Variants in CDH12 observed in about 807,000 individuals in gnomAD.
CDH12 encodes the protein cadherin-12.
Under a neutral mutation model 74.1 loss-of-function variants are expected in CDH12, and 41 were observed. The observed-to-expected ratio is 0.55, with a 90% CI of 0.43 to 0.72. The LOEUF (loss-of-function observed/expected upper bound fraction) is 0.72. Among genes scored for constraint, CDH12 ranks in the 30% least tolerant of loss-of-function variants. The pLI is 0.00. For missense variants in CDH12, 945 were observed against 977.2 expected (o/e 0.97, Z 0.44); for synonymous variants, 399 against 355.0 (o/e 1.12, Z -1.39).
At chr5:21,885,743 C>G (rs1159908887) in intron 6 of CDH12, among the ~76,000 whole-genome samples, 1 of 151,896 alleles carries the variant, frequency 6.6e-6, no homozygotes, top group East Asian at 1.9e-4. Context: ...TTGTTTGCAC[C>G]CTATTTGTCT....
intron 3 of CDH12, among the ~76,000 whole-genome samples, chr5:22,385,415 C>T (rs1477042190): frequency 6.6e-6 from 1 of 152,170 alleles, no homozygotes; most frequent in Non-Finnish European, 1.5e-5. Context: ...TTTTTGACCT[C>T]CCTTTTCTTA....
intron 1 of CDH12, among the ~76,000 whole-genome samples, chr5:22,770,379 T>C (rs1010032206): frequency 2.0e-5 from 3 of 152,144 alleles, no homozygotes; most frequent in African/African-American, 7.2e-5. Context: ...CAGCAACTCC[T>C]GTACATTGCC....
At position 22,130,712 on chromosome 5, in the gene CDH12, T is replaced by C. The variant is rs533552262; in HGVS notation, c.-186-51850A>G. Among the ~76,000 whole-genome samples, 756 of 152,020 alleles carry C rather than the reference T, an allele frequency of 5.0e-3. 5 individuals are homozygous for C. Among genetic ancestry groups the C allele is most frequent in the African/African-American group, 0.017 (696 of 41,496 alleles). ...TATAAGAAGTTTGAGTTAGTGTATA[T>C]GATTTTTAGAAAATCAATTTATCAT... is the stretch of plus-strand genomic sequence containing the variant. On this transcript the variant is annotated intron_variant, in intron 4 of 14. Transcript: ENST00000382254.
At chr5:22,783,910 TC>T (rs1561028241) in intron 1 of CDH12, among the ~76,000 whole-genome samples, 2 of 152,182 alleles carry the variant, frequency 1.3e-5, no homozygotes. Context: ...CTGCTTTTTT[TC>T]CCATCAGAAC....
chr5:22,774,993 C>T (rs1747017556), intron 1 of CDH12, among the ~76,000 whole-genome samples: 1 of 151,552 alleles, frequency 6.6e-6, no homozygotes, highest in Non-Finnish European at 1.5e-5. Flanking sequence ...ATAAAAGTCA[C>T]AATTATAAAC....
chr5:22,076,603 C>A (rs1742329709), intron 5 of CDH12, among the ~76,000 whole-genome samples: 1 of 152,068 alleles, frequency 6.6e-6, no homozygotes, highest in African/African-American at 2.4e-5. Flanking sequence ...AAATTCCATT[C>A]TTACATTAAA....
At chr5:22,085,766 AT>A (rs1372395002) in intron 4 of CDH12, among the ~76,000 whole-genome samples, 2 of 152,148 alleles carry the variant, frequency 1.3e-5, no homozygotes, top group African/African-American at 2.4e-5. Flanking sequence ...TATGCTTTAT[AT>A]TTTTTAATGT....
chr5:22,781,949 T>G lies in CDH12; in HGVS notation c.-523+71109A>C, dbSNP rs570668636. Among the ~76,000 whole-genome samples the G allele has an allele frequency of 3.1e-4, 47 of 152,296 alleles. 1 individual carries two copies. The highest frequency in any genetic ancestry group is 9.9e-4 in the African/African-American group (41 of 41,574). ...TTTAAGATTTAATGACTGACTTTCTTGGTTTCCAGCTTACATGGGGACTGT... is the reference window on the plus strand; with the variant it reads ...TTTAAGATTTAATGACTGACTTTCTGGGTTTCCAGCTTACATGGGGACTGT... On this transcript the variant is annotated intron_variant, in intron 1 of 14. Coordinates refer to ENST00000382254, the MANE Select transcript of CDH12 (RefSeq NM_004061.5).
At chr5:21,810,592 G>T (rs1386213523) in intron 9 of CDH12, among the ~76,000 whole-genome samples, 1 of 152,150 alleles carries the variant, frequency 6.6e-6, no homozygotes, top group Non-Finnish European at 1.5e-5. Flanking sequence ...TGTGCAGTTA[G>T]AATTGTCTAC....
chr5:22,412,719 C>T (rs1300643719), intron 2 of CDH12, among the ~76,000 whole-genome samples: 1 of 151,818 alleles, frequency 6.6e-6, no homozygotes, highest in Non-Finnish European at 1.5e-5. Context: ...CACACTTAGG[C>T]TATACTATAA....
chr5:22,533,073 G>T (rs1268449494), intron 1 of CDH12, among the ~76,000 whole-genome samples: 3 of 152,012 alleles, frequency 2.0e-5, no homozygotes, highest in Non-Finnish European at 4.4e-5. Flanking sequence ...CCCAGGTATT[G>T]CACCCTGTCT....
At chr5:22,097,344 C>T (rs1743849019) in intron 4 of CDH12, among the ~76,000 whole-genome samples, 1 of 152,162 alleles carries the variant, frequency 6.6e-6, no homozygotes, top group South Asian at 2.1e-4. Context: ...GCCTCAGAAG[C>T]CCCCTAGACC....
chr5:22,602,906 T>C (rs1228481150), intron 1 of CDH12, among the ~76,000 whole-genome samples: 2 of 152,150 alleles, frequency 1.3e-5, no homozygotes, highest in Non-Finnish European at 2.9e-5. Flanking sequence ...TCTTTATTGA[T>C]TGGAAAATGG....
intron 3 of CDH12, among the ~76,000 whole-genome samples, chr5:22,305,719 T>A (rs1177728649): frequency 6.6e-6 from 1 of 152,182 alleles, no homozygotes; most frequent in Non-Finnish European, 1.5e-5. Context: ...CCTCTGAGGA[T>A]CCATCACTGG....
intron 3 of CDH12, among the ~76,000 whole-genome samples, chr5:22,262,891 T>C (rs1490408449): frequency 6.6e-6 from 1 of 151,698 alleles, no homozygotes; most frequent in South Asian, 2.1e-4. Flanking sequence ...ACCATCAGAG[T>C]GAACAGGCAA....
At chr5:22,847,459 T>C (rs2126535167) in intron 1 of CDH12, among the ~76,000 whole-genome samples, 1 of 152,306 alleles carries the variant, frequency 6.6e-6, no homozygotes, top group South Asian at 2.1e-4. Flanking sequence ...CTACATTCTT[T>C]ACTCAGAAAT....
chr5:21,997,415 T>C (rs1196717263), intron 5 of CDH12, among the ~76,000 whole-genome samples: 1 of 152,162 alleles, frequency 6.6e-6, no homozygotes, highest in African/African-American at 2.4e-5. Flanking sequence ...TTGTGGGGCA[T>C]AAAATTTTAT....
chr5:22,426,794 A>C (rs1168457955), intron 2 of CDH12, among the ~76,000 whole-genome samples: 1 of 152,200 alleles, frequency 6.6e-6, no homozygotes, highest in African/African-American at 2.4e-5. Context: ...ATTATTATAC[A>C]TGGTAGAGAA....
At chr5:22,152,390 G>C (rs1231680410) in intron 4 of CDH12, 3 of 152,150 alleles carry the variant, frequency 2.0e-5, no homozygotes, top group African/African-American at 7.2e-5. Context: ...GTGTGAAACT[G>C]TCAGGAAGAC....
Sources: gnomAD v4.1 joint callset for allele counts (sites outside exome capture counted in the v4.1 genomes callset) on GRCh38, gnomAD v4.1.1 for gene constraint, MANE v1.5 for transcripts, NCBI Gene and HGNC (gene_info 2026-07-23, HGNC 2026-07-21) for gene names.